The following ADAMTS6 variants were observed in gnomAD, a reference collection of about 807,000 sequenced individuals.
ADAMTS6 encodes ADAM metallopeptidase with thrombospondin type 1 motif 6, also known as A disintegrin and metalloproteinase with thrombospondin motifs 6.
A neutral mutation model predicts 144.3 loss-of-function variants in ADAMTS6; 23 were observed. The ratio of observed to expected loss-of-function variants is 0.16; its 90% confidence interval spans 0.11 to 0.23. The LOEUF is 0.23. ADAMTS6 is among the 10% of genes least tolerant of loss of function. The probability of loss-of-function intolerance (pLI) is 1.00; values close to 1 mark genes in which losing one functional copy is unlikely to be tolerated. For missense variants in ADAMTS6, 999 were observed against 1,379.6 expected (o/e 0.72, Z 4.37); for synonymous variants, 444 against 457.5 (o/e 0.97, Z 0.38).
intron 7 of ADAMTS6, among the ~76,000 whole-genome samples, chr5:65,366,227 A>C (rs2150111591): frequency 6.6e-6 from 1 of 152,340 alleles, no homozygotes; most frequent in South Asian, 2.1e-4. Context: ...TAAAGGTAGA[A>C]GTAAAAATTA....
chr5:65,168,305 T>C (rs1450138324), intron 24 of ADAMTS6, among the ~76,000 whole-genome samples: 1 of 151,860 alleles, frequency 6.6e-6, no homozygotes, highest in Non-Finnish European at 1.5e-5. Context: ...GAGAATAAAA[T>C]ACCTAGGAAT....
chr5:65,215,655 G>A (rs1052001138), intron 18 of ADAMTS6, among the ~76,000 whole-genome samples, 168 bp from the exon 19 acceptor site: 2 of 152,136 alleles, frequency 1.3e-5, no homozygotes, highest in African/African-American at 4.8e-5. Flanking sequence ...CATGTGAATG[G>A]TAAGAAGATA....
intron 21 of ADAMTS6, among the ~76,000 whole-genome samples, chr5:65,190,069 G>A (rs1036799445): frequency 1.3e-5 from 2 of 152,140 alleles, no homozygotes; most frequent in Admixed American, 1.3e-4. Flanking sequence ...TCCTAAATTT[G>A]AGACTGCATT....
intron 1 of ADAMTS6, among the ~76,000 whole-genome samples, chr5:65,476,070 C>T (rs562761578): frequency 6.6e-6 from 1 of 152,124 alleles, no homozygotes; most frequent in South Asian, 2.1e-4. Context: ...CTAGCCACAT[C>T]TTTCCCTAAT....
At position 65,473,972 on chromosome 5, in the gene ADAMTS6, A is replaced by C. The variant is rs1171053501; in HGVS notation, c.-279-20T>G. ...TTTAACCTAGAAAAAAAAAAATTTAAGTTAACTGAAAAATATCCAGAATGG... is the reference window on the plus strand; with the variant it reads ...TTTAACCTAGAAAAAAAAAAATTTACGTTAACTGAAAAATATCCAGAATGG... On this transcript the variant is annotated intron_variant, in intron 1 of 24. Transcript: ENST00000381055. The C allele has an allele frequency of 3.1e-5, 14 of 448,928 alleles. No homozygotes were observed. The East Asian group carries it at 4.5e-4, about 14-fold the overall frequency. 27.8% of individuals were successfully genotyped at this position (448,928 alleles called of 1,614,324 possible).
chr5:65,455,673 C>T (rs989019421), intron 4 of ADAMTS6, among the ~76,000 whole-genome samples: 3 of 151,356 alleles, frequency 2.0e-5, no homozygotes, highest in Non-Finnish European at 1.5e-5. Flanking sequence ...TGTGGTGGCA[C>T]ACATCTGTAG....
chr5:65,319,269 G>C (rs1376232435), intron 9 of ADAMTS6, among the ~76,000 whole-genome samples: 2 of 152,016 alleles, frequency 1.3e-5, no homozygotes, highest in African/African-American at 2.4e-5. Flanking sequence ...TGAAAGAAGA[G>C]ATGTCCAAAA....
Position 65,177,648 on chromosome 5 carries a change from C to T in ADAMTS6, c.2911-4640G>A, listed in dbSNP as rs575600041. Among the ~76,000 whole-genome samples the T allele has an allele frequency of 9.8e-5, 15 of 152,290 alleles. No homozygotes were observed. In the South Asian group the frequency reaches 2.1e-3, roughly 21 times the overall value. On this transcript the variant is annotated intron_variant, in intron 22 of 24. Transcript: ENST00000381055. The stretch of plus-strand genomic sequence containing the variant: ...ACCAGTTTTTGTAATTTCCTAAAAT[C>T]GTACATTCATTTTACTCGAGGATCA...
rs555135078 is a variant in ADAMTS6, at chr5:65,267,180, T to G, written c.1621-4218A>C. 2.2e-4 allele frequency among the ~76,000 whole-genome samples: 34 copies of G among 152,138 alleles called. No homozygotes were observed. The South Asian group carries it at 3.3e-3, about 15-fold the overall frequency. ...TGTAAAAGCTCTATTTACAGAGAGA[T>G]AGAATTTTACTTTACGTTTTAAACT... On this transcript the variant is annotated intron_variant, in intron 12 of 24. Transcript: ENST00000381055.
chr5:65,191,037 C>G (rs754980360), intron 21 of ADAMTS6, among the ~76,000 whole-genome samples: 2 of 152,054 alleles, frequency 1.3e-5, no homozygotes, highest in Non-Finnish European at 2.9e-5. Context: ...CTCCTCTAGA[C>G]TTGGTGGCAA....
chr5:65,454,724 C>A (rs1759046707), intron 4 of ADAMTS6, among the ~76,000 whole-genome samples: 2 of 152,288 alleles, frequency 1.3e-5, no homozygotes, highest in South Asian at 4.1e-4. Context: ...ATCAATCATG[C>A]TGGTGAACTG....
intron 24 of ADAMTS6, among the ~76,000 whole-genome samples, chr5:65,166,060 T>A (rs1407078229): frequency 6.9e-6 from 1 of 145,540 alleles, no homozygotes; most frequent in African/African-American, 2.5e-5. Flanking sequence ...ATGGACTAAA[T>A]TCTCCAATTA....
At chr5:65,474,226 CAAT>C (rs1760676699) in intron 1 of ADAMTS6, among the ~76,000 whole-genome samples, 1 of 152,018 alleles carries the variant, frequency 6.6e-6, no homozygotes, top group African/African-American at 2.4e-5. Flanking sequence ...TTGAAGATAA[CAAT>C]GATGGGCAAT....
intron 24 of ADAMTS6, among the ~76,000 whole-genome samples, chr5:65,163,171 A>T (rs1337474169): frequency 6.6e-6 from 1 of 152,162 alleles, no homozygotes; most frequent in African/African-American, 2.4e-5. Context: ...CAACCCTCTG[A>T]AAGTGCTGAG....
At chr5:65,297,054 A>G (rs1317618019) in intron 10 of ADAMTS6, 1 of 358,478 alleles carries the variant, frequency 2.8e-6, no homozygotes, top group Non-Finnish European at 5.4e-6. Flanking sequence ...ACCTTTCTCT[A>G]TAGTCTAAAT....
intron 24 of ADAMTS6, among the ~76,000 whole-genome samples, chr5:65,162,194 T>G (rs935228534): frequency 2.6e-5 from 4 of 152,230 alleles, no homozygotes; most frequent in Non-Finnish European, 5.9e-5. Context: ...CTGCAAAGTT[T>G]ATCTATAATG....
At chr5:65,186,684 A>C (rs142977556) in intron 22 of ADAMTS6, among the ~76,000 whole-genome samples, 213 of 152,348 alleles carry the variant, frequency 1.4e-3, no homozygotes, top group African/African-American at 5.0e-3. Flanking sequence ...AGGAGAGTCC[A>C]TACTGTTTTC....
chr5:65,237,405 A>C (rs1395203493), intron 15 of ADAMTS6, among the ~76,000 whole-genome samples: 1 of 144,714 alleles, frequency 6.9e-6, no homozygotes. Context: ...AAAAAAAAAA[A>C]GAAAACTCCA....
At chr5:65,157,163 T>C (rs1008603988) in intron 24 of ADAMTS6, among the ~76,000 whole-genome samples, 1 of 152,202 alleles carries the variant, frequency 6.6e-6, no homozygotes, top group African/African-American at 2.4e-5. Context: ...TGGTTCTCAT[T>C]GGTAATCTGG....
Sources: allele counts gnomAD v4.1 joint callset (sites outside exome capture counted in the v4.1 genomes callset), GRCh38; gene constraint gnomAD v4.1.1; transcripts MANE v1.5; gene names NCBI Gene and HGNC (gene_info 2026-07-23, HGNC 2026-07-21).